Variants in CFAP54 observed in about 807,000 individuals in gnomAD.
The protein encoded by CFAP54 is cilia- and flagella-associated protein 54.
In CFAP54, 290 loss-of-function variants were observed where a neutral mutation model predicts 370.4. That is an observed-to-expected ratio of 0.78 (90% CI 0.71 to 0.86). The LOEUF (loss-of-function observed/expected upper bound fraction) is 0.86, where lower values mean the gene tolerates loss of function less well. Ranked by LOEUF, CFAP54 falls within the 40% of genes least tolerant of loss-of-function variation. CFAP54 has a pLI of 0.00. For synonymous variants in CFAP54, 1,206 were observed against 1,236.5 expected (o/e 0.98, Z 0.52); for missense variants, 3,399 against 3,528.7 (o/e 0.96, Z 0.93).
intron 14 of CFAP54, among the ~76,000 whole-genome samples, chr12:96,544,226 C>CT (rs927790157): frequency 9.8e-5 from 2 of 20,484 alleles, no homozygotes; most frequent in Non-Finnish European, 2.3e-4. Context: ...TGGCTCATGA[C>CT]TCCCTAGTTC....
chr12:96,834,818 T>C (rs1183903240), intron 66 of CFAP54, among the ~76,000 whole-genome samples: 1 of 152,226 alleles, frequency 6.6e-6, no homozygotes, highest in East Asian at 1.9e-4. Context: ...TCGGCAGCCC[T>C]GAGTTCTTAT....
intron 55 of CFAP54, among the ~76,000 whole-genome samples, chr12:96,753,461 A>T (rs916008493): frequency 6.6e-6 from 1 of 152,222 alleles, no homozygotes; most frequent in African/African-American, 2.4e-5. Flanking sequence ...GAGCATTGTG[A>T]ATTTTAGAAG....
rs779556498 is a variant in CFAP54, at chr12:96,580,548, T to C, written c.2797-49T>C. 16 of 984,308 alleles carry C rather than the reference T, an allele frequency of 1.6e-5. No individual in the cohort carries two copies. The Admixed American group carries it at 2.0e-4, about 12-fold the overall frequency. 61.0% of individuals were successfully genotyped at this position (984,308 alleles called of 1,614,324 possible). A position where few individuals can be genotyped will look rare whatever the true frequency, so the allele number is the denominator to read the frequency against. ...TTAGAAAAGTATTTTTTTTGTTACA[T>C]TGATATAAAAGAATGCCTTTTAAAC... On this transcript the variant is annotated intron_variant, in intron 20 of 67. Coordinates refer to ENST00000524981, the MANE Select transcript of CFAP54 (RefSeq NM_001306084.2).
At chr12:96,852,506 A>G (rs1348022439) in intron 66 of CFAP54, among the ~76,000 whole-genome samples, 1 of 152,130 alleles carries the variant, frequency 6.6e-6, no homozygotes, top group Non-Finnish European at 1.5e-5. Context: ...TACAGAATAT[A>G]CAAAGTGAAT....
chr12:96,506,589 C>CTTTTTTTTTTTTTTTT (rs71068809), intron 3 of CFAP54, among the ~76,000 whole-genome samples: 1 of 130,884 alleles, frequency 7.6e-6, no homozygotes, highest in African/African-American at 2.9e-5. Context: ...CTTTTCTTTT[C>CTTTTTTTTTTTTTTTT]TTTTTTTTTT....
intron 9 of CFAP54, among the ~76,000 whole-genome samples, chr12:96,528,052 G>C (rs1288335113): frequency 6.6e-6 from 1 of 152,002 alleles, no homozygotes; most frequent in Admixed American, 6.6e-5. Flanking sequence ...GGTTGCACTG[G>C]CTAGGATCTC....
intron 60 of CFAP54, among the ~76,000 whole-genome samples, chr12:96,773,277 T>C (rs1407322872): frequency 6.6e-6 from 1 of 152,166 alleles, no homozygotes; most frequent in African/African-American, 2.4e-5. Flanking sequence ...GTCTGAAGAA[T>C]AGAGAGCTTC....
In CFAP54 at chr12:96,564,482, A is replaced by G. The variant is rs1366023825; in HGVS notation, c.2425A>G (p.Thr809Ala). 17 of 697,830 alleles carry G rather than the reference A, an allele frequency of 2.4e-5. No individual in the cohort carries two copies. Among genetic ancestry groups the G allele is most frequent in the African/African-American group, 5.2e-5 (3 of 57,274 alleles). The allele number at this position is 697,830 out of a possible 1,614,324, so 43.2% of individuals were successfully genotyped here. The change falls in exon 18 of 68, where the codon ACT (threonine) becomes GCT (alanine). Residue 809 changes from threonine (T) to alanine (A), a missense_variant. Transcript: ENST00000524981. ...LDKLQVLQTPTVSKDISTKGP... is the reference protein window; with the variant it reads ...LDKLQVLQTPAVSKDISTKGP... ...TTCTTCTTCAGTTTTGCAGACTCCA[A>G]CTGTTAGCAAAGATATTTCTACCAA... is the stretch of plus-strand genomic sequence containing the variant.
intron 39 of CFAP54, among the ~76,000 whole-genome samples, chr12:96,677,084 C>T (rs1305010730): frequency 3.0e-5 from 1 of 33,310 alleles, no homozygotes; most frequent in Non-Finnish European, 5.3e-5. Context: ...CTCACTGTAG[C>T]CTGGAACTCC....
rs772088360 is a variant in CFAP54, at chr12:96,792,307, G to A, written c.8680-22G>A. ...CAAATTTATTACCAGTAATTAAACT[G>A]ATGTTTTTGTTTGTTCCCTAGTTGT... On this transcript the variant is annotated intron_variant, in intron 62 of 67. Transcript: ENST00000524981. 30 of 1,461,486 alleles carry A rather than the reference G, an allele frequency of 2.1e-5. No individual in the cohort carries two copies. The South Asian group carries it at 4.2e-4, about 21-fold the overall frequency. The allele number at this position is 1,461,486 out of a possible 1,614,324, so 90.5% of individuals were successfully genotyped here.
chr12:96,602,702 A>G (rs1956256701), intron 26 of CFAP54, among the ~76,000 whole-genome samples: 1 of 152,172 alleles, frequency 6.6e-6, no homozygotes. Flanking sequence ...TCCCTTTACC[A>G]TTATTTAATG....
At chr12:96,573,503 A>G (rs1029572890) in intron 19 of CFAP54, among the ~76,000 whole-genome samples, 3 of 152,106 alleles carry the variant, frequency 2.0e-5, no homozygotes, top group East Asian at 1.9e-4. Flanking sequence ...TCTGTTGTCT[A>G]TGGAAGAGGG....
At chr12:96,620,011 TA>T (rs370621589) in intron 26 of CFAP54, among the ~76,000 whole-genome samples, 1 of 152,116 alleles carries the variant, frequency 6.6e-6, no homozygotes, top group Admixed American at 6.5e-5. Context: ...AGTAAACAAA[TA>T]AAAATTTTTA....
At chr12:96,834,992 C>A (rs1188922113) in intron 66 of CFAP54, among the ~76,000 whole-genome samples, 1 of 152,020 alleles carries the variant, frequency 6.6e-6, no homozygotes, top group Non-Finnish European at 1.5e-5. Flanking sequence ...GAGAGGAGAC[C>A]CTGGAGTGGG....
chr12:96,838,474 A>G lies in CFAP54; in HGVS notation c.9171+9386A>G, dbSNP rs897342815. ...AGGTTTAATTGACTCACAGTTCCAC[A>G]TGGCTGGGGAGGCCTCAAGAAACAA... On this transcript the variant is annotated intron_variant, in intron 66 of 67. Transcript: ENST00000524981. Among the ~76,000 whole-genome samples, 3 of 152,164 alleles carry G rather than the reference A, an allele frequency of 2.0e-5. No individual in the cohort carries two copies. The East Asian group carries it at 5.8e-4, about 29-fold the overall frequency.
intron 26 of CFAP54, among the ~76,000 whole-genome samples, chr12:96,600,921 T>G (rs1956233843): frequency 6.6e-6 from 1 of 152,198 alleles, no homozygotes; most frequent in Admixed American, 6.5e-5. Flanking sequence ...ACAATTTGAC[T>G]TCCTCTTTTC....
intron 47 of CFAP54, among the ~76,000 whole-genome samples, chr12:96,705,099 G>A (rs1592717294): frequency 1.3e-5 from 2 of 152,142 alleles, no homozygotes; most frequent in African/African-American, 2.4e-5. Flanking sequence ...CCTAGAAAGT[G>A]TTAGAGCAGA....
At chr12:96,781,500 A>T (rs1440076406) in intron 60 of CFAP54, among the ~76,000 whole-genome samples, 2 of 152,144 alleles carry the variant, frequency 1.3e-5, no homozygotes, top group African/African-American at 2.4e-5. Context: ...AGTATTGTTT[A>T]TTGATTTTCA....
chr12:96,536,602 G>GTTTTTC (rs1367188445), intron 12 of CFAP54, among the ~76,000 whole-genome samples: 3 of 146,382 alleles, frequency 2.0e-5, no homozygotes, highest in African/African-American at 7.6e-5. Flanking sequence ...TCCTTTATCT[G>GTTTTTC]TTTTTCTTTG....
Sources: gnomAD v4.1 joint callset for allele counts (sites outside exome capture counted in the v4.1 genomes callset) on GRCh38, gnomAD v4.1.1 for gene constraint, MANE v1.5 for transcripts, NCBI Gene and HGNC (gene_info 2026-07-23, HGNC 2026-07-21) for gene names.